The following HNRNPA3 variants were observed in gnomAD, a reference collection of about 807,000 sequenced individuals.
HNRNPA3 encodes the protein epididymis secretory sperm binding protein.
HNRNPA3 carries 3 observed loss-of-function variants against 45.8 expected under a neutral mutation model. That is an observed-to-expected ratio of 0.07 (90% CI 0.03 to 0.17). The LOEUF is 0.17. Among genes scored for constraint, HNRNPA3 ranks in the 10% least tolerant of loss-of-function variants. The probability of loss-of-function intolerance (pLI) is 1.00; values close to 1 mark genes in which losing one functional copy is unlikely to be tolerated. For synonymous variants in HNRNPA3, 170 were observed against 155.6 expected, an observed-to-expected ratio of 1.09 and a Z score of -0.69; for missense variants, 183 against 480.3, an observed-to-expected ratio of 0.38 and a Z score of 5.79.
chr2:177,215,000 A>G (rs1164487496), intron 1 of HNRNPA3, among the ~76,000 whole-genome samples: 1 of 152,224 alleles, frequency 6.6e-6, no homozygotes, highest in African/African-American at 2.4e-5. Flanking sequence ...TTGGATTTCA[A>G]TTTAGTTGAA....
intron 1 of HNRNPA3, 44 bp downstream of exon 1, chr2:177,212,915 TGGG>T (rs927462350): frequency 8.2e-6 from 10 of 1,212,710 alleles, no homozygotes; most frequent in Non-Finnish European, 1.1e-5. Context: ...TGGCCGGCGT[TGGG>T]GGCCTGGTTC....
chr2:177,218,650 A>G (rs1689063579), intron 8 of HNRNPA3, among the ~76,000 whole-genome samples: 2 of 152,232 alleles, frequency 1.3e-5, no homozygotes, highest in Non-Finnish European at 2.9e-5. Context: ...TCATTAAGCC[A>G]CAATACTGTT....
At chr2:177,218,189 G>A (rs964558442) in intron 8 of HNRNPA3, among the ~76,000 whole-genome samples, 1 of 150,700 alleles carries the variant, frequency 6.6e-6, no homozygotes, top group African/African-American at 2.4e-5. Context: ...AGCCTCCCTA[G>A]TAGCTGGGAC....
At chr2:177,214,571 G>A (rs1232011193) in intron 1 of HNRNPA3, among the ~76,000 whole-genome samples, 2 of 152,158 alleles carry the variant, frequency 1.3e-5, no homozygotes, top group African/African-American at 2.4e-5. Context: ...CGAGGCGGGC[G>A]GATCACGAGG....
At chr2:177,221,232 C>G (rs1423290051), downstream of HNRNPA3, 1 of 152,618 alleles carries the variant, frequency 6.6e-6, no homozygotes, top group African/African-American at 2.4e-5. Context: ...TAAATAACTT[C>G]AAGTGTGGTT....
chr2:177,216,263 T>G lies in HNRNPA3; in HGVS notation c.553+75T>G, dbSNP rs1050466310. On this transcript the variant is annotated intron_variant, in intron 4 of 10. Transcript: ENST00000392524. The stretch of plus-strand genomic sequence containing the variant: ...CTGTTTTGAACTAAATTTGCTAAAT[T>G]GTAATTTTCTGTTGCGTGTAATGGC... The G allele has an allele frequency of 4.8e-5, 49 of 1,013,756 alleles. No homozygotes were observed. In the South Asian group the frequency reaches 7.0e-4, roughly 14 times the overall value. 62.8% of individuals were successfully genotyped at this position (1,013,756 alleles called of 1,614,324 possible).
chr2:177,222,858 G>C (rs569509207), downstream of HNRNPA3: 7 of 152,692 alleles, frequency 4.6e-5, no homozygotes, highest in East Asian at 1.2e-3. Flanking sequence ...TTTAAATTCA[G>C]GGAATTCATT....
downstream of HNRNPA3, chr2:177,222,279 A>G (rs2105441476): frequency 1.3e-5 from 2 of 152,434 alleles, no homozygotes; most frequent in Middle Eastern, 6.8e-3. Flanking sequence ...CATGTCCTAC[A>G]CGTTTTAAAC....
chr2:177,216,786 T>G lies in HNRNPA3; in HGVS notation c.739+15T>G. The G allele has an allele frequency of 6.2e-7, 1 of 1,614,098 alleles. No homozygotes were observed. The highest frequency in any genetic ancestry group is 1.1e-5 in the South Asian group (1 of 91,078). On this transcript the variant is annotated intron_variant, in intron 6 of 10. Coordinates refer to ENST00000392524, the Ensembl canonical transcript of HNRNPA3. Reference sequence around the variant, plus strand: ...TGGTGGAAGAGGTAGGCTGTTTATCTTCTAAGTACATGGATACCTGACATT... The same window carrying G: ...TGGTGGAAGAGGTAGGCTGTTTATCGTCTAAGTACATGGATACCTGACATT...
intron 1 of HNRNPA3, among the ~76,000 whole-genome samples, chr2:177,214,394 C>A (rs1688835813): frequency 6.6e-6 from 1 of 151,564 alleles, no homozygotes. Flanking sequence ...TTGGGAAATG[C>A]TGGTTTGGCT....
At chr2:177,215,785 C>T in exon 3 of HNRNPA3, 2 of 1,610,026 alleles carry the variant, frequency 1.2e-6, no homozygotes, top group Non-Finnish European at 1.7e-6. Context: ...GTTCCAGGGG[C>T]TTTGGTTTTG....
intron 8 of HNRNPA3, 26 bp from the exon 9 acceptor site, chr2:177,219,011 C>T (rs2105436188): frequency 3.1e-6 from 5 of 1,608,212 alleles, no homozygotes; most frequent in Non-Finnish European, 3.4e-6. Flanking sequence ...GTAGGTAAAC[C>T]ACACATAAAA....
chr2:177,223,654 T>C (rs1317914544), downstream of HNRNPA3: 1 of 152,176 alleles, frequency 6.6e-6, no homozygotes, highest in Non-Finnish European at 1.5e-5. Flanking sequence ...TGTCACAAAT[T>C]AGTGAATAAG....
At chr2:177,220,315 G>A (rs1689133590), downstream of HNRNPA3, 1 of 152,664 alleles carries the variant, frequency 6.6e-6, no homozygotes, top group South Asian at 2.1e-4. Flanking sequence ...TCTGAAAAGG[G>A]ATGGTGGATG....
chr2:177,218,045 CTTTTTTCTTTTT>C (rs1689024438), intron 8 of HNRNPA3, among the ~76,000 whole-genome samples, 200 bp downstream of exon 8: 1 of 107,640 alleles, frequency 9.3e-6, no homozygotes, highest in Non-Finnish European at 1.7e-5. Context: ...ACTCAGCTCT[CTTTTTTCTTTTT>C]TTTTTTTTTT....
chr2:177,220,127 A>T (rs1031581455), downstream of HNRNPA3: 3 of 152,544 alleles, frequency 2.0e-5, no homozygotes, highest in African/African-American at 7.2e-5. Context: ...AAATCTCAAA[A>T]TTTCTATTTG....
intron 7 of HNRNPA3, 70 bp downstream of exon 7, chr2:177,217,010 CT>C: frequency 7.4e-7 from 1 of 1,349,204 alleles, no homozygotes; most frequent in Non-Finnish European, 9.9e-7. Context: ...ATTTATTACA[CT>C]TTTCTAATTT....
chr2:177,217,138 G>A (rs1355243889), intron 7 of HNRNPA3, among the ~76,000 whole-genome samples, 198 bp downstream of exon 7: 1 of 152,072 alleles, frequency 6.6e-6, no homozygotes, highest in Non-Finnish European at 1.5e-5. Flanking sequence ...AAGTAGTAGG[G>A]GTTGAGCTAG....
chr2:177,215,400 CAA>C (rs1224189362), intron 1 of HNRNPA3, 137 bp from the exon 2 acceptor site: 1 of 913,394 alleles, frequency 1.1e-6, no homozygotes, highest in Non-Finnish European at 1.7e-6. Flanking sequence ...GGTGTCTGGT[CAA>C]AGTTTTAACT....
Sources: allele counts gnomAD v4.1 joint callset (sites outside exome capture counted in the v4.1 genomes callset), GRCh38; gene constraint gnomAD v4.1.1; transcripts MANE v1.5; gene names NCBI Gene and HGNC (gene_info 2026-07-23, HGNC 2026-07-21).